Variants in SPC24 observed in about 807,000 individuals in gnomAD.
SPC24 encodes the protein kinetochore protein Spc24.
In SPC24, 31 loss-of-function variants were observed where a neutral mutation model predicts 27.6. The observed-to-expected ratio is 1.12, with a 90% CI of 0.84 to 1.52. The LOEUF is 1.52. SPC24 is among the 40% of genes most tolerant of loss of function. The pLI is 0.00. For synonymous variants in SPC24, 105 were observed against 105.8 expected (o/e 0.99, Z 0.05); for missense variants, 284 against 252.5 (o/e 1.12, Z -0.84).
At chr19:11,150,598 C>T (rs1053631499) in intron 1 of SPC24, among the ~76,000 whole-genome samples, 1 of 151,564 alleles carries the variant, frequency 6.6e-6, no homozygotes, top group Non-Finnish European at 1.5e-5. Context: ...AGTTTGAGAC[C>T]ACCCTGGGCT....
intron 2 of SPC24, 62 bp downstream of exon 2, chr19:11,149,032 C>T: frequency 1.4e-6 from 2 of 1,395,084 alleles, no homozygotes; most frequent in Non-Finnish European, 1.9e-6. Flanking sequence ...CAGGCTTGAG[C>T]CACTGCGCCT....
chr19:11,149,336 C>T (rs1600788167), intron 1 of SPC24, 98 bp from the exon 2 acceptor site: 1 of 1,161,156 alleles, frequency 8.6e-7, no homozygotes, highest in Non-Finnish European at 1.2e-6. Context: ...AAGAAACATG[C>T]CCCTTGTCTG....
At chr19:11,147,942 A>G in intron 3 of SPC24, 48 bp from the exon 4 acceptor site, 1 of 1,569,232 alleles carries the variant, frequency 6.4e-7, no homozygotes, top group Non-Finnish European at 8.7e-7. Flanking sequence ...AAAGTTACCC[A>G]GCACCAACTT....
intron 1 of SPC24, among the ~76,000 whole-genome samples, chr19:11,154,847 C>G (rs2077899100): frequency 6.6e-6 from 1 of 152,144 alleles, no homozygotes; most frequent in African/African-American, 2.4e-5. Flanking sequence ...GATGGTTGCA[C>G]AGCAGTGTGA....
intron 4 of SPC24, 72 bp from the exon 5 acceptor site, chr19:11,147,361 C>T (rs1033704352): frequency 1.7e-5 from 19 of 1,089,396 alleles, no homozygotes; most frequent in Non-Finnish European, 2.4e-5. Flanking sequence ...AAGGATACTG[C>T]CTTTACTTTT....
Position 11,147,844 on chromosome 19 carries a change from T to C in SPC24, c.461A>G (p.Glu154Gly), listed in dbSNP as rs748100331. The change falls in exon 4 of 5, where the codon GAG becomes GGG. Residue 154 changes from glutamate (E) to glycine (G), a missense_variant. By Grantham distance (98) the Glu-to-Gly change is moderately conservative (BLOSUM62 -2). Coordinates refer to ENST00000592540, the MANE Select transcript of SPC24 (RefSeq NM_182513.4). The part of the protein sequence containing the change: ...HQVSKIEWDY[E>G]CEPGMVKGIH... ...GCCTTTGACCATCCCTGGCTCACAC[T>C]CATAATCCCACTCAATTTTACTAAC... 6.2e-7 allele frequency: 1 copy of C among 1,605,830 alleles called. No individual in the cohort carries two copies. Among genetic ancestry groups the C allele is most frequent in the South Asian group, 1.1e-5 (1 of 90,548 alleles).
intron 1 of SPC24, among the ~76,000 whole-genome samples, chr19:11,154,525 C>A (rs147791943): frequency 6.6e-6 from 1 of 152,056 alleles, no homozygotes; most frequent in Non-Finnish European, 1.5e-5. Context: ...GGTAATGGAG[C>A]GAGGCTCTGT....
chr19:11,148,644 CTTAT>C (rs1263929671), intron 2 of SPC24, among the ~76,000 whole-genome samples: 1 of 151,780 alleles, frequency 6.6e-6, no homozygotes, highest in Non-Finnish European at 1.5e-5. Context: ...CCATGCCCAG[CTTAT>C]TGATTGATTG....
At chr19:11,147,413 T>C in intron 4 of SPC24, 124 bp from the exon 5 acceptor site, 2 of 648,478 alleles carry the variant, frequency 3.1e-6, no homozygotes, top group Non-Finnish European at 5.2e-6. Context: ...CAGGCTGGAG[T>C]ACAGTGGTGC....
rs1370196527 is a variant in SPC24 at position 11,149,144 on chromosome 19, A to G, written c.255T>C (p.Ala85=). Residue 85 remains alanine (A), a synonymous_variant, in exon 2 of 5, where the codon GCT becomes GCC. Transcript: ENST00000592540. ...CCTCCTCCCCAGCCTCCTGAAGCCC[A>G]GCTTCCAGCTGCTGCAGCTCCACGC... is the stretch of plus-strand genomic sequence containing the variant. The part of the protein sequence containing the change: ...QGGVELQQLE[A]GLQEAGEEDT... 3.2e-6 allele frequency: 5 copies of G among 1,549,582 alleles called. No individual in the cohort carries two copies. The South Asian group carries it at 6.0e-5, about 18-fold the overall frequency.
rs539671057 is a variant in SPC24, at chr19:11,147,173, A to G, written c.*10T>C. 1 of 1,541,474 alleles carries G rather than the reference A, an allele frequency of 6.5e-7. No homozygotes were observed. Among genetic ancestry groups the G allele is most frequent in the East Asian group, 2.5e-5 (1 of 40,800 alleles). ...CCGCTGGGTGCAAGACGCAGCCACGAGGCTCCTGGCTACCACTCGGTGTCC... is the reference window on the plus strand; with the variant it reads ...CCGCTGGGTGCAAGACGCAGCCACGGGGCTCCTGGCTACCACTCGGTGTCC... On this transcript the variant is annotated 3_prime_UTR_variant, in exon 5 of 5. Transcript: ENST00000592540.
In SPC24 at chr19:11,153,760, G is replaced by GGGA. The variant is rs111289308; in HGVS notation, c.160+1856_160+1857insTCC. On this transcript the variant is annotated intron_variant, in intron 1 of 4. Coordinates refer to ENST00000592540, the MANE Select transcript of SPC24 (RefSeq NM_182513.4). ...GAGCAGCGGAGTAAGACTGTCCTGGGAAAAAAAAAAAAAAGAAGAAAATAT... is the reference window on the plus strand; with the variant it reads ...GAGCAGCGGAGTAAGACTGTCCTGGGGGAAAAAAAAAAAAAAAGAAGAAAATAT... Among the ~76,000 whole-genome samples the GGGA allele has an allele frequency of 3.8e-5, 5 of 132,190 alleles. No homozygotes were observed. In the East Asian group the frequency reaches 9.2e-4, roughly 24 times the overall value. 86.7% of individuals were successfully genotyped at this position (132,190 alleles called of 152,430 possible).
chr19:11,151,184 AT>A lies in SPC24; in HGVS notation c.161-1947del, dbSNP rs199619737. Among the ~76,000 whole-genome samples the A allele has an allele frequency of 3.2e-4, 46 of 143,492 alleles. 3 individuals are homozygous for A. The highest frequency in any genetic ancestry group is 2.8e-4 in the Non-Finnish European group (18 of 65,026). 94.1% of individuals were successfully genotyped at this position (143,492 alleles called of 152,430 possible). A position where few individuals can be genotyped will look rare whatever the true frequency, so the allele number is the denominator to read the frequency against. On this transcript the variant is annotated intron_variant, in intron 1 of 4. Transcript: ENST00000592540. ...TCTCAAAAAAAAAAAAAAAAAAAAA[AT>A]GCTTCCCAAAGGGCCCATGTTTAAG... is the stretch of plus-strand genomic sequence containing the variant.
intron 4 of SPC24, chr19:11,147,517 C>T (rs1048082976): frequency 2.1e-5 from 12 of 569,032 alleles, no homozygotes; most frequent in Admixed American, 3.1e-5. Flanking sequence ...TATGCCACCA[C>T]GCCTGGCCTC....
At chr19:11,149,604 G>A (rs2077854754) in intron 1 of SPC24, among the ~76,000 whole-genome samples, 1 of 152,024 alleles carries the variant, frequency 6.6e-6, no homozygotes, top group South Asian at 2.1e-4. Flanking sequence ...AATTAGGCTG[G>A]GCATGGTGGT....
rs58845884 is a variant in SPC24, at chr19:11,147,908, C to CAAAAAAA, written c.411-21_411-15dup. 6.0e-4 allele frequency: 664 copies of CAAAAAAA among 1,114,954 alleles called. No individual in the cohort carries two copies. The highest frequency in any genetic ancestry group is 3.0e-3 in the South Asian group (185 of 61,434). 69.1% of individuals were successfully genotyped at this position (1,114,954 alleles called of 1,614,324 possible). A position where few individuals can be genotyped will look rare whatever the true frequency, so the allele number is the denominator to read the frequency against. On this transcript the variant is annotated splice_polypyrimidine_tract_variant and intron_variant, in intron 3 of 4. Coordinates refer to ENST00000592540, the MANE Select transcript of SPC24 (RefSeq NM_182513.4). ...TGAGCCACGTACCTGTACAGGAAGA[C>CAAAAAAA]AAAAAAAAAAAAAAAAAAAAAAGAA...
intron 1 of SPC24, among the ~76,000 whole-genome samples, chr19:11,154,312 G>T (rs2077895284): frequency 6.6e-6 from 1 of 152,152 alleles, no homozygotes; most frequent in African/African-American, 2.4e-5. Context: ...GGCCGAGGTG[G>T]GCGATCACTT....
At chr19:11,151,209 A>G (rs1600790455) in intron 1 of SPC24, among the ~76,000 whole-genome samples, 2 of 151,536 alleles carry the variant, frequency 1.3e-5, no homozygotes, top group Non-Finnish European at 2.9e-5. Flanking sequence ...CCCATGTTTA[A>G]GTTTTAGAAA....
chr19:11,153,077 G>A (rs556679673), intron 1 of SPC24, among the ~76,000 whole-genome samples: 122 of 152,150 alleles, frequency 8.0e-4, no homozygotes, highest in Non-Finnish European at 1.4e-3. Context: ...AGGGAGAACC[G>A]TATGGCGGTT....
Sources: allele counts gnomAD v4.1 joint callset (sites outside exome capture counted in the v4.1 genomes callset), GRCh38; gene constraint gnomAD v4.1.1; transcripts MANE v1.5; gene names NCBI Gene and HGNC (gene_info 2026-07-23, HGNC 2026-07-21).